DEFB125: variants seen among roughly 807,000 people sequenced by gnomAD.
DEFB125 encodes the protein beta-defensin 125.
A neutral mutation model predicts 11.8 loss-of-function variants in DEFB125; 11 were observed. That is an observed-to-expected ratio of 0.94 (90% confidence interval 0.59 to 1.55). The LOEUF is 1.55. Ranked by LOEUF, DEFB125 falls within the 40% of genes most tolerant of loss-of-function variation. DEFB125 has a pLI of 0.00. For missense variants in DEFB125, 198 were observed against 191.2 expected (o/e 1.04, Z -0.21); for synonymous variants, 79 against 66.7 (o/e 1.18, Z -0.90).
Position 96,313 on chromosome 20 carries a change from C to T in DEFB125, c.367C>T (p.Pro123Ser), listed in dbSNP as rs1372464467. The T allele has an allele frequency of 2.5e-6, 4 of 1,613,354 alleles. No individual in the cohort carries two copies. The highest frequency in any genetic ancestry group is 1.7e-5 in the Admixed American group (1 of 59,970). ...GACCAATACTCCTGAGACTACTATG[C>T]CACCATCTGAGGCCACTACTCCCGA... ...PETNTPETTMPPSEATTPETT... is the reference protein window; with the variant it reads ...PETNTPETTMSPSEATTPETT... Residue 123 changes from proline (P) to serine (S), a missense_variant, in exon 2 of 2, where the codon CCA becomes TCA. Coordinates refer to ENST00000382410, the MANE Select transcript of DEFB125 (RefSeq NM_153325.4).
In DEFB125 at chr20:95,187, C is replaced by T. The variant is rs565750283; in HGVS notation, c.59-818C>T. On this transcript the variant is annotated intron_variant, in intron 1 of 1. Transcript: ENST00000382410. ...TCTGCTGGGGGTCTGCTTTAAGACT[C>T]TAGAGTCTTATTCTCCTGTTTTGAT... Among the ~76,000 whole-genome samples the T allele has an allele frequency of 3.3e-5, 5 of 152,254 alleles. No homozygotes were observed. The South Asian group carries it at 8.3e-4, about 25-fold the overall frequency.
At chr20:92,588 T>C (rs2054500356) in intron 1 of DEFB125, among the ~76,000 whole-genome samples, 1 of 152,024 alleles carries the variant, frequency 6.6e-6, no homozygotes, top group Non-Finnish European at 1.5e-5. Context: ...AGACAGGTTT[T>C]CACCAGGTTG....
At chr20:89,941 A>C (rs2054490296) in intron 1 of DEFB125, among the ~76,000 whole-genome samples, 1 of 152,034 alleles carries the variant, frequency 6.6e-6, no homozygotes, top group Admixed American at 6.6e-5. Flanking sequence ...AAATTTAGCT[A>C]TTTAGTCTCT....
Position 96,560 on chromosome 20 carries a change from A to G in DEFB125, c.*143A>G. 2 of 954,720 alleles carry G rather than the reference A, an allele frequency of 2.1e-6. No individual in the cohort carries two copies. Among genetic ancestry groups the G allele is most frequent in the South Asian group, 3.4e-5 (2 of 59,160 alleles). The allele number at this position is 954,720 out of a possible 1,614,324, so 59.1% of individuals were successfully genotyped here. A position where few individuals can be genotyped will look rare whatever the true frequency, so the allele number is the denominator to read the frequency against. On this transcript the variant is annotated 3_prime_UTR_variant, in exon 2 of 2. Transcript: ENST00000382410. ...GGGATGGACATAATTGCTACTACCA[A>G]CACAACAGCCAAGAGAGTTGCCTTA...
chr20:93,568 A>AT (rs969543023), intron 1 of DEFB125, among the ~76,000 whole-genome samples: 11 of 150,620 alleles, frequency 7.3e-5, no homozygotes, highest in East Asian at 1.9e-4. Flanking sequence ...TGCCTTCATC[A>AT]TTTTTTTTTA....
chr20:87,700 C>T lies in DEFB125; in HGVS notation c.-10C>T. On this transcript the variant is annotated 5_prime_UTR_variant, in exon 1 of 2. Coordinates refer to ENST00000382410, the MANE Select transcript of DEFB125 (RefSeq NM_153325.4). ...CCTCAGGACACAGAGCTTCCTCTCT[C>T]CCAGGAGCCATGAATATCCTGATGC... 1 of 1,612,968 alleles carries T rather than the reference C, an allele frequency of 6.2e-7. No homozygotes were observed. Among genetic ancestry groups the T allele is most frequent in the South Asian group, 1.1e-5 (1 of 91,054 alleles).
At chr20:88,463 G>T (rs557508203) in intron 1 of DEFB125, among the ~76,000 whole-genome samples, 1 of 152,188 alleles carries the variant, frequency 6.6e-6, no homozygotes, top group Admixed American at 6.5e-5. Flanking sequence ...GGATTTATAG[G>T]GTTTAAGGAA....
chr20:96,179 T>C lies in DEFB125; in HGVS notation c.233T>C (p.Ile78Thr). Residue 78 changes from isoleucine to threonine, a missense_variant, in exon 2 of 2, where the codon ATA (isoleucine) becomes ACA (threonine). Ile to Thr is a moderately conservative substitution (Grantham distance 89). Coordinates refer to ENST00000382410, the MANE Select transcript of DEFB125 (RefSeq NM_153325.4). ...TTTCCTGTGATTCACCTAGAGGATA[T>C]AACATTGGATTATAGTGATGTGGAC... ...PAFPVIHLEDITLDYSDVDSF... is the reference protein window; with the variant it reads ...PAFPVIHLEDTTLDYSDVDSF... The C allele has an allele frequency of 6.2e-7, 1 of 1,614,164 alleles. No homozygotes were observed. The highest frequency in any genetic ancestry group is 8.5e-7 in the Non-Finnish European group (1 of 1,180,024).
At chr20:95,948 A>G in intron 1 of DEFB125, 57 bp from the exon 2 acceptor site, 2 of 1,483,514 alleles carry the variant, frequency 1.3e-6, no homozygotes, top group Non-Finnish European at 9.0e-7. Flanking sequence ...GAATGAATGA[A>G]AAGTTGTTAT....
At chr20:94,578 A>G (rs2054507864) in intron 1 of DEFB125, among the ~76,000 whole-genome samples, 1 of 152,008 alleles carries the variant, frequency 6.6e-6, no homozygotes, top group Admixed American at 6.6e-5. Context: ...CAAGAGATGG[A>G]GCTCAGGTGG....
chr20:93,211 T>G (rs147363814), intron 1 of DEFB125, among the ~76,000 whole-genome samples: 12 of 152,064 alleles, frequency 7.9e-5, no homozygotes, highest in African/African-American at 2.9e-4. Flanking sequence ...TCAGGTGATC[T>G]GCCCGCCTCG....
chr20:92,549 C>T (rs1442258065), intron 1 of DEFB125, among the ~76,000 whole-genome samples: 7 of 151,750 alleles, frequency 4.6e-5, no homozygotes, highest in African/African-American at 1.2e-4. Context: ...TGTGCCACCA[C>T]ATCCAGCTAA....
chr20:89,589 G>A (rs887240933), intron 1 of DEFB125, among the ~76,000 whole-genome samples: 2 of 152,064 alleles, frequency 1.3e-5, no homozygotes, highest in African/African-American at 4.8e-5. Context: ...ATAAATAAGT[G>A]CATTTACATT....
chr20:96,428 C>T lies in DEFB125; in HGVS notation c.*11C>T. ...CTTACTCATAATTAATTAACATTTA[C>T]TTCTGGTATGGAACAACTAGAAATA... is the stretch of plus-strand genomic sequence containing the variant. On this transcript the variant is annotated 3_prime_UTR_variant, in exon 2 of 2. Transcript: ENST00000382410. 6.2e-7 allele frequency: 1 copy of T among 1,600,428 alleles called. No homozygotes were observed. The highest frequency in any genetic ancestry group is 8.5e-7 in the Non-Finnish European group (1 of 1,173,566).
rs144284374 is a variant in DEFB125, at chr20:96,274, A to G, written c.328A>G (p.Thr110Ala). Reference sequence around the variant, plus strand: ...ATTTGACACAACTAAATTTGGAGAAACCATGACACCTGAGACCAATACTCC... The same window carrying G: ...ATTTGACACAACTAAATTTGGAGAAGCCATGACACCTGAGACCAATACTCC... ...ITFDTTKFGE[T>A]MTPETNTPET... Residue 110 changes from threonine (T) to alanine (A), a missense_variant, in exon 2 of 2, where the codon ACC (threonine) becomes GCC (alanine). By Grantham distance (58) the Thr-to-Ala change is moderately conservative. Coordinates refer to ENST00000382410, the MANE Select transcript of DEFB125 (RefSeq NM_153325.4). The G allele has an allele frequency of 7.4e-6, 12 of 1,614,160 alleles. No homozygotes were observed. Among genetic ancestry groups the G allele is most frequent in the Middle Eastern group, 1.7e-4 (1 of 6,060 alleles).
In DEFB125 at chr20:96,095, G is replaced by T. The variant is rs748762744; in HGVS notation, c.149G>T (p.Arg50Met). Residue 50 changes from arginine to methionine, a missense_variant, in exon 2 of 2, where the codon AGG (arginine) becomes ATG (methionine). Physicochemically the swap from Arg to Met is moderately conservative, Grantham distance 91. Coordinates refer to ENST00000382410, the MANE Select transcript of DEFB125 (RefSeq NM_153325.4). ...LDTERYILLC[R>M]NKLSCCISII... ...ACTGAAAGGTACATACTTCTTTGTA[G>T]GAACAAGCTATCATGCTGCATTTCT... 2.0e-5 allele frequency: 33 copies of T among 1,613,968 alleles called. No individual in the cohort carries two copies. The Admixed American group carries it at 4.5e-4, about 22-fold the overall frequency.
intron 1 of DEFB125, among the ~76,000 whole-genome samples, chr20:89,228 T>A (rs1005410020): frequency 1.3e-5 from 2 of 152,224 alleles, no homozygotes. Flanking sequence ...TGGTTATAAC[T>A]GTGCCTATGA....
In DEFB125 at chr20:96,146, G is replaced by C. The variant is rs757216800; in HGVS notation, c.200G>C (p.Arg67Pro). ...ISIISHEYTR[R>P]PAFPVIHLED... The stretch of plus-strand genomic sequence containing the variant: ...ATAATATCACATGAATATACTCGAC[G>C]ACCAGCATTTCCTGTGATTCACCTA... Residue 67 changes from arginine to proline, a missense_variant, in exon 2 of 2, where the codon CGA becomes CCA. Arg to Pro is a moderately radical substitution (Grantham distance 103). Coordinates refer to ENST00000382410, the MANE Select transcript of DEFB125 (RefSeq NM_153325.4). The C allele has an allele frequency of 1.2e-6, 2 of 1,613,942 alleles. No individual in the cohort carries two copies. The highest frequency in any genetic ancestry group is 1.7e-6 in the Non-Finnish European group (2 of 1,180,012).
At position 96,354 on chromosome 20, in the gene DEFB125, A is replaced by G. The variant is rs1300556834; in HGVS notation, c.408A>G (p.Pro136=). 3.1e-6 allele frequency: 5 copies of G among 1,613,138 alleles called. No homozygotes were observed. The highest frequency in any genetic ancestry group is 4.2e-6 in the Non-Finnish European group (5 of 1,179,280). ...CTACTCCCGAGACTACTATGCCACC[A>G]TCTGAGACTGCTACTTCCGAGACTA... ...EATTPETTMP[P]SETATSETMP... The change falls in exon 2 of 2, where the codon CCA becomes CCG. Residue 136 remains proline (P), a synonymous_variant. Coordinates refer to ENST00000382410, the MANE Select transcript of DEFB125 (RefSeq NM_153325.4).
Sources: gnomAD v4.1 joint callset for allele counts (sites outside exome capture counted in the v4.1 genomes callset) on GRCh38, gnomAD v4.1.1 for gene constraint, MANE v1.5 for transcripts, NCBI Gene and HGNC (gene_info 2026-07-23, HGNC 2026-07-21) for gene names.